The following CKLF variants were observed in gnomAD, a reference collection of about 807,000 sequenced individuals.
CKLF encodes the protein chemokine-like factor.
Under a neutral mutation model 12.9 loss-of-function variants are expected in CKLF, and 16 were observed. The ratio of observed to expected loss-of-function variants is 1.24; its 90% CI spans 0.84 to 1.88. The LOEUF is 1.88. CKLF is among the 40% of genes most tolerant of loss of function. The pLI is 0.00. For synonymous variants in CKLF, 61 were observed against 69.0 expected, an observed-to-expected ratio of 0.88 and a Z score of 0.57; for missense variants, 172 against 188.5, an observed-to-expected ratio of 0.91 and a Z score of 0.51.
In CKLF at chr16:66,558,519, C is replaced by T. The variant is rs1039591758; in HGVS notation, c.237+171C>T. The T allele has an allele frequency of 6.8e-5, 60 of 888,182 alleles. No individual in the cohort carries two copies. The East Asian group carries it at 1.7e-3, about 25-fold the overall frequency. 55.0% of individuals were successfully genotyped at this position (888,182 alleles called of 1,614,324 possible). ...CCTGTATTGCTTTGGGAGAGGGTCT[C>T]AAGGATGCAGGGCAGCCACAGAGCA... is the stretch of plus-strand genomic sequence containing the variant. On this transcript the variant is annotated intron_variant, in intron 2 of 3. Transcript: ENST00000264001.
chr16:66,552,653 C>T lies in CKLF; in HGVS notation c.-63C>T, dbSNP rs915042848. Reference sequence around the variant, plus strand: ...TGGCGGTTGCTATCGCTTCGCAGAACCTACTCAGGCAGCCAGCTGAGAAGA... The same window carrying T: ...TGGCGGTTGCTATCGCTTCGCAGAATCTACTCAGGCAGCCAGCTGAGAAGA... On this transcript the variant is annotated 5_prime_UTR_variant, in exon 1 of 4. Transcript: ENST00000264001. 1.2e-5 allele frequency: 20 copies of T among 1,611,240 alleles called. No homozygotes were observed. The African/African-American group carries it at 2.7e-4, about 22-fold the overall frequency.
Position 66,558,350 on chromosome 16 carries a change from T to G in CKLF, c.237+2T>G. 1 of 1,601,434 alleles carries G rather than the reference T, an allele frequency of 6.2e-7. No individual in the cohort carries two copies. The highest frequency in any genetic ancestry group is 1.1e-5 in the South Asian group (1 of 87,616). The stretch of plus-strand genomic sequence containing the variant: ...AAGTGGTTATTTTGGCCTTTGCTTG[T>G]AAGTGTTCAGTTTCATCCTTAAATT... On this transcript the variant is annotated splice_donor_variant, in intron 2 of 3. Coordinates refer to ENST00000264001, the MANE Select transcript of CKLF (RefSeq NM_016951.4). LOFTEE classifies it high-confidence loss of function.
chr16:66,562,995 C>T (rs778784184), intron 2 of CKLF, 127 bp from the exon 3 acceptor site: 151 of 992,988 alleles, frequency 1.5e-4, no homozygotes, highest in Non-Finnish European at 2.1e-4. Flanking sequence ...GGATTACAGG[C>T]GGGAGCCAGT....
Position 66,552,652 on chromosome 16 carries a change from A to G in CKLF, c.-64A>G. On this transcript the variant is annotated 5_prime_UTR_variant, in exon 1 of 4. Transcript: ENST00000264001. ...GTGGCGGTTGCTATCGCTTCGCAGA[A>G]CCTACTCAGGCAGCCAGCTGAGAAG... 4 of 1,611,612 alleles carry G rather than the reference A, an allele frequency of 2.5e-6. No individual in the cohort carries two copies. Among genetic ancestry groups the G allele is most frequent in the Non-Finnish European group, 3.4e-6 (4 of 1,178,270 alleles).
intron 1 of CKLF, among the ~76,000 whole-genome samples, chr16:66,555,195 C>G (rs1267303990): frequency 1.3e-5 from 2 of 152,180 alleles, no homozygotes; most frequent in African/African-American, 4.8e-5. Flanking sequence ...CAAAATCACC[C>G]CACTGCACTC....
At chr16:66,564,625 C>T (rs1320636886) in intron 3 of CKLF, among the ~76,000 whole-genome samples, 1 of 152,120 alleles carries the variant, frequency 6.6e-6, no homozygotes, top group Admixed American at 6.5e-5. Flanking sequence ...CATCCGCCAC[C>T]ATGCCTGGCT....
Position 66,552,774 on chromosome 16 carries a change from A to G in CKLF, c.59A>G (p.His20Arg). The G allele has an allele frequency of 1.2e-6, 2 of 1,614,076 alleles. No homozygotes were observed. Among genetic ancestry groups the G allele is most frequent in the Non-Finnish European group, 1.7e-6 (2 of 1,179,956 alleles). The change falls in exon 1 of 4, where the codon CAC becomes CGC. Residue 20 changes from histidine to arginine, a missense_variant. His to Arg is a conservative substitution (Grantham distance 29). Coordinates refer to ENST00000264001, the MANE Select transcript of CKLF (RefSeq NM_016951.4). ...CCCTTCTGCTTCAGTGTGAAAGGCCACGTGAAGATGCTGCGGCTGGTGAGG... is the reference window on the plus strand; with the variant it reads ...CCCTTCTGCTTCAGTGTGAAAGGCCGCGTGAAGATGCTGCGGCTGGTGAGG... ...HRPFCFSVKG[H>R]VKMLRLALTV...
intron 2 of CKLF, among the ~76,000 whole-genome samples, chr16:66,559,426 T>C (rs552330283): frequency 2.5e-4 from 38 of 152,278 alleles, no homozygotes; most frequent in South Asian, 2.1e-3. Context: ...CTGGACTTCG[T>C]TGGAGGGAGG....
intron 2 of CKLF, among the ~76,000 whole-genome samples, chr16:66,561,551 T>C (rs997306737): frequency 2.0e-5 from 3 of 152,150 alleles, no homozygotes; most frequent in African/African-American, 7.2e-5. Context: ...TATAAACCCT[T>C]GCCCAGATTG....
chr16:66,562,107 C>CG, intron 2 of CKLF, among the ~76,000 whole-genome samples: 1 of 147,808 alleles, frequency 6.8e-6, no homozygotes, highest in African/African-American at 2.5e-5. Context: ...TTTTTTGAGA[C>CG]GGAGTAAAAA....
Position 66,565,979 on chromosome 16 carries a change from A to C in CKLF, c.427A>C (p.Lys143Gln). The C allele has an allele frequency of 6.2e-7, 1 of 1,613,030 alleles. No individual in the cohort carries two copies. Among genetic ancestry groups the C allele is most frequent in the Non-Finnish European group, 8.5e-7 (1 of 1,179,100 alleles). ...LFNPSGPYQK[K>Q]PVHEKKEVL ...CAATCCCAGCGGTCCTTACCAGAAA[A>C]AGCCTGTGCATGAAAAAAAAGAAGT... The change falls in exon 4 of 4, where the codon AAG (lysine) becomes CAG (glutamine). Residue 143 changes from lysine (K) to glutamine (Q), a missense_variant. Physicochemically the swap from Lys to Gln is moderately conservative, Grantham distance 53. Transcript: ENST00000264001.
At position 66,565,957 on chromosome 16, in the gene CKLF, T is replaced by C. The variant is rs368934751; in HGVS notation, c.405T>C (p.Asn135=). ...TTATTTACCGGAAGCTTCTGTTCAA[T>C]CCCAGCGGTCCTTACCAGAAAAAGC... is the stretch of plus-strand genomic sequence containing the variant. ...GALIYRKLLF[N]PSGPYQKKPV... is the part of the protein sequence containing the mutation. The change falls in exon 4 of 4, where the codon AAT becomes AAC. Residue 135 remains asparagine, a synonymous_variant. Transcript: ENST00000264001. 399 of 1,613,684 alleles carry C rather than the reference T, an allele frequency of 2.5e-4. No homozygotes were observed. The highest frequency in any genetic ancestry group is 3.3e-4 in the Non-Finnish European group (385 of 1,179,704).
intron 2 of CKLF, among the ~76,000 whole-genome samples, chr16:66,558,686 T>C (rs1376909467): frequency 6.6e-6 from 1 of 152,232 alleles, no homozygotes; most frequent in Non-Finnish European, 1.5e-5. Flanking sequence ...CCTATTTGGA[T>C]GCATGTTAAT....
chr16:66,557,806 G>A (rs1214384157), intron 1 of CKLF, among the ~76,000 whole-genome samples: 1 of 152,186 alleles, frequency 6.6e-6, no homozygotes, highest in Admixed American at 6.5e-5. Context: ...AACATCAAGA[G>A]AACTGATGTG....
downstream of CKLF, chr16:66,566,276 C>T: frequency 6.9e-7 from 1 of 1,447,558 alleles, no homozygotes; most frequent in Non-Finnish European, 9.0e-7. This position sits in a 1 kb window ranked among gnomAD's most constrained non-coding sequence, Gnocchi z 4.9. Flanking sequence ...GCCTGGCTGG[C>T]CGGCAGCTCC....
At chr16:66,558,868 A>C (rs536653825) in intron 2 of CKLF, among the ~76,000 whole-genome samples, 2 of 152,238 alleles carry the variant, frequency 1.3e-5, no homozygotes, top group Non-Finnish European at 2.9e-5. Context: ...CTTATATTTC[A>C]TAGTATATAG....
chr16:66,557,253 C>T (rs1395878589), intron 1 of CKLF, among the ~76,000 whole-genome samples: 1 of 152,140 alleles, frequency 6.6e-6, no homozygotes, highest in Non-Finnish European at 1.5e-5. Context: ...CTGCAACCCC[C>T]GCATCCTGGG....
intron 1 of CKLF, among the ~76,000 whole-genome samples, chr16:66,555,587 A>G (rs954315505): frequency 3.9e-5 from 6 of 152,224 alleles, no homozygotes; most frequent in African/African-American, 1.4e-4. Context: ...AAAAAGGATC[A>G]GGAGTTTGAT....
downstream of CKLF, chr16:66,566,096 G>A (rs764945984): frequency 6.2e-7 from 1 of 1,612,024 alleles, no homozygotes; most frequent in Non-Finnish European, 8.5e-7. The surrounding 1 kb of genome is among the most constrained non-coding windows in gnomAD (Gnocchi z 4.9). Flanking sequence ...TTTTAACTCA[G>A]TATAGGAGCT....
Sources: allele counts gnomAD v4.1 joint callset (sites outside exome capture counted in the v4.1 genomes callset), GRCh38; gene constraint gnomAD v4.1.1; non-coding constraint Gnocchi (gnomAD v3.1); transcripts MANE v1.5; gene names NCBI Gene and HGNC (gene_info 2026-07-23, HGNC 2026-07-21).